The following GALNT13 variants were observed in gnomAD, a reference collection of about 807,000 sequenced individuals.
GALNT13 encodes the protein polypeptide N-acetylgalactosaminyltransferase 13, also known as UDP-GalNAc:polypeptide N-acetylgalactosaminyltransferase 13.
GALNT13 carries 28 observed loss-of-function variants against 64.2 expected under a neutral mutation model. That is an observed-to-expected ratio of 0.44 (90% CI 0.32 to 0.60). GALNT13 has a LOEUF of 0.60. GALNT13 is among the 20% of genes least tolerant of loss of function. The pLI is 0.05. For synonymous variants in GALNT13, 214 were observed against 224.6 expected, an observed-to-expected ratio of 0.95 and a Z score of 0.42; for missense variants, 577 against 669.8, an observed-to-expected ratio of 0.86 and a Z score of 1.53.
At chr2:154,011,846 G>T (rs368381509) in intron 3 of GALNT13, among the ~76,000 whole-genome samples, 31 of 151,978 alleles carry the variant, frequency 2.0e-4, no homozygotes, top group African/African-American at 6.3e-4. Flanking sequence ...ATCATTCTTG[G>T]TCTAATGTTT....
chr2:154,186,599 T>C (rs905434514), intron 4 of GALNT13, among the ~76,000 whole-genome samples: 2 of 152,108 alleles, frequency 1.3e-5, no homozygotes, highest in Non-Finnish European at 2.9e-5. Flanking sequence ...GCAAATATCT[T>C]AGTTTTGCTT....
At chr2:153,994,333 T>G (rs1558895534) in intron 3 of GALNT13, among the ~76,000 whole-genome samples, 1 of 152,246 alleles carries the variant, frequency 6.6e-6, no homozygotes, top group Non-Finnish European at 1.5e-5. Context: ...ACATTTGGGT[T>G]GGTTCCAAGT....
chr2:154,316,312 CAG>C (rs1488134265), intron 9 of GALNT13, among the ~76,000 whole-genome samples: 2 of 152,058 alleles, frequency 1.3e-5, no homozygotes, highest in East Asian at 1.9e-4. Flanking sequence ...TTAACAAAAA[CAG>C]AGCAATACAT....
At chr2:154,197,563 A>G (rs1465726149) in intron 4 of GALNT13, among the ~76,000 whole-genome samples, 1 of 152,124 alleles carries the variant, frequency 6.6e-6, no homozygotes, top group Admixed American at 6.5e-5. Flanking sequence ...AGTAAGAAGT[A>G]GAACACTAAA....
At chr2:153,903,357 A>G (rs977408183) in intron 2 of GALNT13, among the ~76,000 whole-genome samples, 1 of 152,070 alleles carries the variant, frequency 6.6e-6, no homozygotes, top group Non-Finnish European at 1.5e-5. Context: ...CACTCAGCAT[A>G]TGGAGTATCT....
At chr2:154,211,364 CA>C (rs1421116848) in intron 4 of GALNT13, among the ~76,000 whole-genome samples, 1 of 151,930 alleles carries the variant, frequency 6.6e-6, no homozygotes, top group Non-Finnish European at 1.5e-5. Context: ...CAGTGGCTCA[CA>C]CCTGTAATCT....
chr2:153,826,678 T>C, the GALNT13 span, among the ~76,000 whole-genome samples: 4 of 150,552 alleles, frequency 2.7e-5, no homozygotes, highest in Admixed American at 2.6e-4. Context: ...ATGGCCCCTA[T>C]AGCTATTTTA....
At chr2:154,150,896 AT>A (rs1439583715) in intron 4 of GALNT13, among the ~76,000 whole-genome samples, 3 of 151,990 alleles carry the variant, frequency 2.0e-5, no homozygotes, top group Admixed American at 6.6e-5. Context: ...GGATTCATTA[AT>A]TTTTTGAAGG....
chr2:154,023,163 A>C (rs542435049), intron 3 of GALNT13, among the ~76,000 whole-genome samples: 1 of 152,158 alleles, frequency 6.6e-6, no homozygotes, highest in Non-Finnish European at 1.5e-5. Flanking sequence ...AAGAATGTAT[A>C]TTCTGTTGAT....
At chr2:153,676,114 A>T in the GALNT13 span, among the ~76,000 whole-genome samples, 1 of 152,124 alleles carries the variant, frequency 6.6e-6, no homozygotes, top group Non-Finnish European at 1.5e-5. Flanking sequence ...GTAGACCATT[A>T]TCTAGATTAA....
the GALNT13 span, among the ~76,000 whole-genome samples, chr2:153,116,220 A>C: frequency 6.6e-6 from 1 of 152,200 alleles, no homozygotes; most frequent in Non-Finnish European, 1.5e-5. Flanking sequence ...AGCATCTATT[A>C]AAATTTGTGT....
intron 3 of GALNT13, among the ~76,000 whole-genome samples, chr2:153,999,260 T>C (rs1427574687): frequency 6.9e-6 from 1 of 145,226 alleles, no homozygotes; most frequent in Non-Finnish European, 1.5e-5. Flanking sequence ...TCTACAACCA[T>C]ATGAACTTCC....
At chr2:153,490,109 A>G in the GALNT13 span, among the ~76,000 whole-genome samples, 19 of 152,194 alleles carry the variant, frequency 1.2e-4, no homozygotes, top group Non-Finnish European at 2.4e-4. Context: ...TATTCTGTCC[A>G]GAAGACAAAG....
the GALNT13 span, among the ~76,000 whole-genome samples, chr2:153,113,154 G>A: frequency 0.1 from 15,501 of 152,024 alleles, 915 homozygotes; most frequent in Non-Finnish European, 0.11. Flanking sequence ...TTGTTGAGGA[G>A]GTTAATGTGC....
intron 3 of GALNT13, among the ~76,000 whole-genome samples, chr2:154,057,052 T>C (rs1265509137): frequency 3.3e-5 from 5 of 152,070 alleles, no homozygotes; most frequent in African/African-American, 1.2e-4. Flanking sequence ...TTTTTTGAGA[T>C]GGAGTCTTGC....
Position 154,246,675 on chromosome 2 carries a change from G to A in GALNT13, c.857+693G>A, listed in dbSNP as rs141097378. Among the ~76,000 whole-genome samples, 45 of 151,976 alleles carry A rather than the reference G, an allele frequency of 3.0e-4. No homozygotes were observed. In the East Asian group the frequency reaches 7.5e-3, roughly 25 times the overall value. ...AATCGATTTCCTGAAAAATACTTTCGGAAGTATTCACTAGTTTAGTTCTTT... is the reference window on the plus strand; with the variant it reads ...AATCGATTTCCTGAAAAATACTTTCAGAAGTATTCACTAGTTTAGTTCTTT... On this transcript the variant is annotated intron_variant, in intron 7 of 12. Coordinates refer to ENST00000392825, the MANE Select transcript of GALNT13 (RefSeq NM_052917.4).
intron 9 of GALNT13, among the ~76,000 whole-genome samples, chr2:154,327,671 T>C (rs1303752371): frequency 1.3e-5 from 2 of 152,106 alleles, no homozygotes; most frequent in Non-Finnish European, 2.9e-5. Context: ...ATCAACAATA[T>C]CACATTACTG....
chr2:153,929,926 C>T (rs1054913907), intron 2 of GALNT13, among the ~76,000 whole-genome samples: 1 of 152,016 alleles, frequency 6.6e-6, no homozygotes, highest in African/African-American at 2.4e-5. Flanking sequence ...ATCTTCAAAA[C>T]GTTTTCCCCA....
the GALNT13 span, among the ~76,000 whole-genome samples, chr2:153,136,086 T>G: frequency 6.6e-6 from 1 of 152,092 alleles, no homozygotes; most frequent in Admixed American, 6.6e-5. Context: ...AAGAGATAAT[T>G]GCCTGATAGG....
Sources: allele counts gnomAD v4.1 joint callset (sites outside exome capture counted in the v4.1 genomes callset), GRCh38; gene constraint gnomAD v4.1.1; transcripts MANE v1.5; gene names NCBI Gene and HGNC (gene_info 2026-07-23, HGNC 2026-07-21).